ZNF407: variants seen among roughly 807,000 people sequenced by gnomAD.
ZNF407 encodes the protein zinc finger protein 407.
ZNF407 carries 17 observed loss-of-function variants against 131.2 expected under a neutral mutation model. The ratio of observed to expected loss-of-function variants is 0.13; its 90% CI spans 0.09 to 0.19. The LOEUF (loss-of-function observed/expected upper bound fraction) is 0.19, where lower values mean the gene tolerates loss of function less well. Ranked by LOEUF, ZNF407 falls within the 10% of genes least tolerant of loss-of-function variation. The pLI is 1.00. For synonymous variants in ZNF407, 1,156 were observed against 1,062.0 expected, an observed-to-expected ratio of 1.09 and a Z score of -1.72; for missense variants, 2,681 against 2,830.6, an observed-to-expected ratio of 0.95 and a Z score of 1.20.
intron 8 of ZNF407, among the ~76,000 whole-genome samples, chr18:74,955,511 A>G (rs1240298581): frequency 1.3e-5 from 2 of 152,220 alleles, no homozygotes; most frequent in African/African-American, 2.4e-5. Flanking sequence ...CCTTGGTTGT[A>G]GGTTAATCAG....
chr18:74,704,312 G>A (rs1226378351), intron 3 of ZNF407, among the ~76,000 whole-genome samples: 4 of 152,172 alleles, frequency 2.6e-5, no homozygotes, highest in Admixed American at 6.5e-5. Context: ...GGGTCCCATA[G>A]CCAACAACTA....
At chr18:74,952,616 G>A (rs947945576) in intron 8 of ZNF407, among the ~76,000 whole-genome samples, 7 of 152,210 alleles carry the variant, frequency 4.6e-5, no homozygotes, top group East Asian at 3.8e-4. Flanking sequence ...GGGGCTGGAC[G>A]ATTGTGCATA....
chr18:74,633,681 A>C lies in ZNF407; in HGVS notation c.2662A>C (p.Thr888Pro). The change falls in exon 2 of 9, where the codon ACT becomes CCT. Residue 888 changes from threonine to proline, a missense_variant. By Grantham distance (38) the Thr-to-Pro change is conservative (BLOSUM62 -1). Transcript: ENST00000299687. The part of the protein sequence containing the change: ...SYLCKVCKYY[T>P]VTKGDMERHC... Reference sequence around the variant, plus strand: ...TTTATGCAAAGTGTGTAAGTATTACACTGTAACTAAGGGAGATATGGAACG... The same window carrying C: ...TTTATGCAAAGTGTGTAAGTATTACCCTGTAACTAAGGGAGATATGGAACG... The C allele has an allele frequency of 6.2e-7, 1 of 1,614,052 alleles. No individual in the cohort carries two copies. Among genetic ancestry groups the C allele is most frequent in the Non-Finnish European group, 8.5e-7 (1 of 1,179,898 alleles).
chr18:74,814,457 A>C (rs1464209421), intron 4 of ZNF407, among the ~76,000 whole-genome samples: 1 of 152,200 alleles, frequency 6.6e-6, no homozygotes, highest in African/African-American at 2.4e-5. Flanking sequence ...AATGATTGGT[A>C]TTAGTCTTAA....
chr18:74,787,802 C>T (rs527386310), intron 4 of ZNF407, among the ~76,000 whole-genome samples: 4 of 152,264 alleles, frequency 2.6e-5, no homozygotes, highest in South Asian at 2.1e-4. Context: ...AAATTGACTC[C>T]GCTCATTTAG....
intron 1 of ZNF407, among the ~76,000 whole-genome samples, chr18:74,611,598 T>C (rs1983062639): frequency 6.6e-6 from 1 of 152,184 alleles, no homozygotes; most frequent in African/African-American, 2.4e-5. Flanking sequence ...TCTGACAATA[T>C]TGTTGGGAGG....
rs1973689802 is a variant in ZNF407 at position 75,064,647 on chromosome 18, G to A, written c.*179G>A. ...GGCCACCAGCCAGGCGCCCACAGAGGGTACCGTGGGCTGGGCCTCGGGGAG... is the reference window on the plus strand; with the variant it reads ...GGCCACCAGCCAGGCGCCCACAGAGAGTACCGTGGGCTGGGCCTCGGGGAG... On this transcript the variant is annotated 3_prime_UTR_variant, in exon 9 of 9. Coordinates refer to ENST00000299687, the MANE Select transcript of ZNF407 (RefSeq NM_017757.3). The A allele has an allele frequency of 3.4e-6, 2 of 585,114 alleles. No homozygotes were observed. The highest frequency in any genetic ancestry group is 6.9e-5 in the Admixed American group (2 of 28,868). The allele number at this position is 585,114 out of a possible 1,614,324, so 36.2% of individuals were successfully genotyped here. A position where few individuals can be genotyped will look rare whatever the true frequency, so the allele number is the denominator to read the frequency against.
intron 8 of ZNF407, among the ~76,000 whole-genome samples, chr18:75,058,829 C>T (rs563172757): frequency 6.6e-6 from 1 of 152,266 alleles, no homozygotes; most frequent in African/African-American, 2.4e-5. Context: ...GATTCACATT[C>T]GTTTAAATGA....
chr18:75,049,942 G>A (rs1360322708), intron 8 of ZNF407, among the ~76,000 whole-genome samples: 1 of 152,132 alleles, frequency 6.6e-6, no homozygotes, highest in Non-Finnish European at 1.5e-5. Context: ...CCACATCAGT[G>A]TATTGATCCT....
At chr18:74,976,976 G>A (rs770942313) in intron 8 of ZNF407, among the ~76,000 whole-genome samples, 1 of 152,354 alleles carries the variant, frequency 6.6e-6, no homozygotes, top group African/African-American at 2.4e-5. Flanking sequence ...ATAGGCTTCT[G>A]TGTCTCTGAG....
At chr18:74,781,638 TATC>T (rs1240985561) in intron 4 of ZNF407, 136 bp downstream of exon 4, 23 of 597,664 alleles carry the variant, frequency 3.8e-5, no homozygotes, top group Admixed American at 2.4e-4. Flanking sequence ...TTTTGTCAAA[TATC>T]ATATTTTATG....
At chr18:74,789,855 GTTT>G (rs3992949) in intron 4 of ZNF407, among the ~76,000 whole-genome samples, 1 of 138,614 alleles carries the variant, frequency 7.2e-6, no homozygotes. Flanking sequence ...TTTGTATCTG[GTTT>G]TTTTTTTTTT....
intron 4 of ZNF407, among the ~76,000 whole-genome samples, chr18:74,808,871 A>G (rs1970152736): frequency 6.6e-6 from 1 of 152,218 alleles, no homozygotes. Flanking sequence ...TTTGAAGAAA[A>G]TAAAAATATT....
intron 1 of ZNF407, among the ~76,000 whole-genome samples, chr18:74,627,553 A>C (rs1238971425): frequency 6.7e-6 from 1 of 148,586 alleles, no homozygotes; most frequent in Non-Finnish European, 1.5e-5. Context: ...CTGGTCTCCA[A>C]CTCCCAGGCT....
intron 4 of ZNF407, among the ~76,000 whole-genome samples, chr18:74,827,528 A>G (rs765077479): frequency 5.3e-5 from 8 of 152,106 alleles, no homozygotes; most frequent in Non-Finnish European, 8.8e-5. Context: ...AGCCTCATCA[A>G]GCCACCTCAT....
intron 3 of ZNF407, among the ~76,000 whole-genome samples, chr18:74,650,174 T>A (rs1985160935): frequency 6.6e-6 from 1 of 152,254 alleles, no homozygotes; most frequent in Non-Finnish European, 1.5e-5. Context: ...TGTCATAGTC[T>A]GTTTGACTAG....
At chr18:74,900,918 A>T (rs996086328) in intron 7 of ZNF407, among the ~76,000 whole-genome samples, 2 of 152,128 alleles carry the variant, frequency 1.3e-5, no homozygotes, top group African/African-American at 4.8e-5. Context: ...ACCTTCTTCA[A>T]ATTGCCGGTT....
At chr18:74,617,983 A>G (rs1983387229) in intron 1 of ZNF407, among the ~76,000 whole-genome samples, 2 of 151,948 alleles carry the variant, frequency 1.3e-5, no homozygotes, top group African/African-American at 2.4e-5. Flanking sequence ...AAACAGAGCC[A>G]TCCTTTTGCT....
chr18:74,920,425 TACAG>T (rs1463740261), intron 7 of ZNF407, 85 bp from the exon 8 acceptor site: 73 of 1,114,802 alleles, frequency 6.5e-5, no homozygotes, highest in Non-Finnish European at 8.7e-5. Flanking sequence ...ACCAAACACA[TACAG>T]ACAGTGTTAT....
Sources: gnomAD v4.1 joint callset for allele counts (sites outside exome capture counted in the v4.1 genomes callset) on GRCh38, gnomAD v4.1.1 for gene constraint, MANE v1.5 for transcripts, NCBI Gene and HGNC (gene_info 2026-07-23, HGNC 2026-07-21) for gene names.